The following UNC13B variants were observed in gnomAD, a reference collection of about 807,000 sequenced individuals.
UNC13B encodes the protein unc-13 homolog B.
In UNC13B, 144 loss-of-function variants were observed where a neutral mutation model predicts 211.0. The ratio of observed to expected loss-of-function variants is 0.68; its 90% confidence interval spans 0.60 to 0.78. The LOEUF is 0.78. Among genes scored for constraint, UNC13B ranks in the 30% least tolerant of loss-of-function variants. The probability of loss-of-function intolerance (pLI) is 0.00; values close to 1 mark genes in which losing one functional copy is unlikely to be tolerated. For synonymous variants in UNC13B, 709 were observed against 725.8 expected (o/e 0.98, Z 0.37); for missense variants, 1,777 against 2,002.0 (o/e 0.89, Z 2.14).
At chr9:35,266,803 A>G (rs141112184) in intron 7 of UNC13B, among the ~76,000 whole-genome samples, 72 of 152,274 alleles carry the variant, frequency 4.7e-4, no homozygotes, top group African/African-American at 1.7e-3. Context: ...GTGATTTATT[A>G]TGTCCATCTG....
Position 35,385,706 on chromosome 9 carries a change from T to G in UNC13B, c.10876-18T>G. 2 of 1,588,958 alleles carry G rather than the reference T, an allele frequency of 1.3e-6. No individual in the cohort carries two copies. The highest frequency in any genetic ancestry group is 1.7e-6 in the Non-Finnish European group (2 of 1,161,448). On this transcript the variant is annotated intron_variant, in intron 22 of 39. Coordinates refer to ENST00000635942, the MANE Select transcript of UNC13B (RefSeq NM_001371189.2). ...ATAGTCCTCTGTTCCTTTCTTACATTTGCTTGATTTGCAACAGAATAATTT... is the reference window on the plus strand; with the variant it reads ...ATAGTCCTCTGTTCCTTTCTTACATGTGCTTGATTTGCAACAGAATAATTT...
chr9:35,288,258 G>C (rs186023170), intron 7 of UNC13B, among the ~76,000 whole-genome samples: 1 of 152,156 alleles, frequency 6.6e-6, no homozygotes, highest in East Asian at 1.9e-4. Flanking sequence ...TTTCTAAAAT[G>C]CCAAATCTGA....
chr9:35,276,559 T>C (rs1828189098), intron 7 of UNC13B, among the ~76,000 whole-genome samples: 2 of 152,204 alleles, frequency 1.3e-5, no homozygotes. Context: ...TTTGTGGTGT[T>C]GTGAAGAGTT....
At chr9:35,391,166 A>G (rs1835508580) in intron 26 of UNC13B, among the ~76,000 whole-genome samples, 1 of 152,222 alleles carries the variant, frequency 6.6e-6, no homozygotes, top group Non-Finnish European at 1.5e-5. Flanking sequence ...TGACAATGCC[A>G]GGAAGATACT....
intron 7 of UNC13B, among the ~76,000 whole-genome samples, chr9:35,262,946 C>G (rs771105607): frequency 6.6e-6 from 1 of 152,016 alleles, no homozygotes; most frequent in Non-Finnish European, 1.5e-5. Flanking sequence ...AAAAACCAAA[C>G]CAAACCAATA....
intron 1 of UNC13B, among the ~76,000 whole-genome samples, chr9:35,170,845 T>A (rs553786756): frequency 1.2e-3 from 185 of 152,220 alleles, no homozygotes; most frequent in Non-Finnish European, 2.0e-3. Flanking sequence ...CTTATTCTGT[T>A]GCTTAGGCTA....
rs747760125 is a variant in UNC13B at position 35,397,294 on chromosome 9, T to C, written c.11660T>C (p.Met3887Thr). ...CPDPSILAHY[M>T]RRFAKTIGKV... is the part of the protein sequence containing the mutation. ...GACCCCAGCATCCTTGCCCACTACA[T>C]GAGGAGGTTTGCTAAGGTGACCATA... The change falls in exon 29 of 40, where the codon ATG (methionine) becomes ACG (threonine). Residue 3887 changes from methionine to threonine, a missense_variant. Coordinates refer to ENST00000635942, the MANE Select transcript of UNC13B (RefSeq NM_001371189.2). 6.2e-7 allele frequency: 1 copy of C among 1,613,998 alleles called. No individual in the cohort carries two copies. The highest frequency in any genetic ancestry group is 8.5e-7 in the Non-Finnish European group (1 of 1,179,990).
chr9:35,364,306 T>A lies in UNC13B; in HGVS notation c.9415-2641T>A, dbSNP rs1439697249. Among the ~76,000 whole-genome samples the A allele has an allele frequency of 3.8e-5, 5 of 130,634 alleles. 1 individual carries two copies. The highest frequency in any genetic ancestry group is 2.3e-4 in the African/African-American group (5 of 21,484). 85.7% of individuals were successfully genotyped at this position (130,634 alleles called of 152,430 possible). A position where few individuals can be genotyped will look rare whatever the true frequency, so the allele number is the denominator to read the frequency against. Reference sequence around the variant, plus strand: ...CCCCTGGGTAGATTTTGTCCCTTGATTTAGTTTGGAACATCTCCAGGGATG... The same window carrying A: ...CCCCTGGGTAGATTTTGTCCCTTGAATTAGTTTGGAACATCTCCAGGGATG... On this transcript the variant is annotated intron_variant, in intron 11 of 39. Coordinates refer to ENST00000635942, the MANE Select transcript of UNC13B (RefSeq NM_001371189.2).
chr9:35,270,069 T>C (rs956381814), intron 7 of UNC13B, among the ~76,000 whole-genome samples: 5 of 152,210 alleles, frequency 3.3e-5, no homozygotes, highest in African/African-American at 1.2e-4. Flanking sequence ...GTACAAAATA[T>C]TCCAAGCTCA....
intron 11 of UNC13B, among the ~76,000 whole-genome samples, chr9:35,328,064 A>G (rs1389608437): frequency 6.6e-6 from 1 of 152,108 alleles, no homozygotes; most frequent in Non-Finnish European, 1.5e-5. Context: ...TCTGTTGCCC[A>G]GGCTGTAGTG....
intron 1 of UNC13B, among the ~76,000 whole-genome samples, chr9:35,198,448 G>A (rs957751578): frequency 4.6e-5 from 7 of 152,182 alleles, no homozygotes; most frequent in Non-Finnish European, 8.8e-5. Flanking sequence ...CAGAACTGTG[G>A]GCTAATTAAA....
At chr9:35,341,521 G>T (rs535905037) in intron 11 of UNC13B, among the ~76,000 whole-genome samples, 2 of 152,284 alleles carry the variant, frequency 1.3e-5, no homozygotes, top group East Asian at 3.9e-4. Context: ...CGGCTGGCAT[G>T]CTGTGTTCCG....
At chr9:35,218,926 T>G (rs111984813) in intron 1 of UNC13B, among the ~76,000 whole-genome samples, 1 of 152,090 alleles carries the variant, frequency 6.6e-6, no homozygotes, top group African/African-American at 2.4e-5. Flanking sequence ...ATTTTGTATT[T>G]TTAGTAGAGA....
chr9:35,162,091 C>T lies in UNC13B; in HGVS notation c.-193C>T. The T allele has an allele frequency of 1.2e-6, 1 of 806,938 alleles. No homozygotes were observed. The allele number at this position is 806,938 out of a possible 1,614,324, so 50.0% of individuals were successfully genotyped here. A position where few individuals can be genotyped will look rare whatever the true frequency, so the allele number is the denominator to read the frequency against. Reference sequence around the variant, plus strand: ...GCCTGCCGGCCGGTACTCACCGCTACCCGGAGTTCGCTCAGACGGTGAGAT... The same window carrying T: ...GCCTGCCGGCCGGTACTCACCGCTATCCGGAGTTCGCTCAGACGGTGAGAT... On this transcript the variant is annotated 5_prime_UTR_variant, in exon 1 of 40. Coordinates refer to ENST00000635942, the MANE Select transcript of UNC13B (RefSeq NM_001371189.2).
chr9:35,390,072 C>A, intron 25 of UNC13B, 99 bp downstream of exon 25: 1 of 1,551,588 alleles, frequency 6.4e-7, no homozygotes, highest in South Asian at 1.2e-5. Context: ...GCAGTGCCAC[C>A]TCTTCTTCCT....
At chr9:35,330,514 T>C (rs1408945578) in intron 11 of UNC13B, among the ~76,000 whole-genome samples, 1 of 152,232 alleles carries the variant, frequency 6.6e-6, no homozygotes, top group Non-Finnish European at 1.5e-5. Context: ...TATCTATGGA[T>C]GACTCCAATG....
At chr9:35,311,988 T>G (rs1830202740) in intron 10 of UNC13B, among the ~76,000 whole-genome samples, 1 of 152,126 alleles carries the variant, frequency 6.6e-6, no homozygotes, top group Non-Finnish European at 1.5e-5. Context: ...TTGGGCCAGA[T>G]TATTCTTTGT....
chr9:35,390,668 A>C lies in UNC13B; in HGVS notation c.11262A>C (p.Glu3754Asp), dbSNP rs896757310. 1.2e-6 allele frequency: 2 copies of C among 1,614,064 alleles called. No homozygotes were observed. Among genetic ancestry groups the C allele is most frequent in the African/African-American group, 2.7e-5 (2 of 74,942 alleles). The change falls in exon 26 of 40, where the codon GAA becomes GAC. Residue 3754 changes from glutamate to aspartate, a missense_variant. Glu to Asp is a conservative substitution (Grantham distance 45). Coordinates refer to ENST00000635942, the MANE Select transcript of UNC13B (RefSeq NM_001371189.2). ...QELNVGKVSAEVMWHLFAQDM... is the reference protein window; with the variant it reads ...QELNVGKVSADVMWHLFAQDM... ...TGAATGTGGGAAAAGTCAGCGCAGAAGTGATGTGGCATTTGTTTGCCCAAG... is the reference window on the plus strand; with the variant it reads ...TGAATGTGGGAAAAGTCAGCGCAGACGTGATGTGGCATTTGTTTGCCCAAG...
intron 11 of UNC13B, chr9:35,342,187 G>C: frequency 1.0e-6 from 1 of 985,584 alleles, no homozygotes; most frequent in Non-Finnish European, 1.2e-6. Flanking sequence ...TGGTGCTTTG[G>C]CTCAGAAAGT....
Sources: gnomAD v4.1 joint callset for allele counts (sites outside exome capture counted in the v4.1 genomes callset) on GRCh38, gnomAD v4.1.1 for gene constraint, MANE v1.5 for transcripts, NCBI Gene and HGNC (gene_info 2026-07-23, HGNC 2026-07-21) for gene names.